The following NR3C1 variants were observed in gnomAD, a reference collection of about 807,000 sequenced individuals.
NR3C1 encodes nuclear receptor subfamily 3 group C member 1.
In NR3C1, 14 loss-of-function variants were observed where a neutral mutation model predicts 74.0. The observed-to-expected ratio is 0.19, with a 90% CI of 0.12 to 0.30. The LOEUF (loss-of-function observed/expected upper bound fraction) is 0.30, where lower values mean the gene tolerates loss of function less well. Ranked by LOEUF, NR3C1 falls within the 10% of genes least tolerant of loss-of-function variation. The probability of loss-of-function intolerance (pLI) is 1.00; values close to 1 mark genes in which losing one functional copy is unlikely to be tolerated. For missense variants in NR3C1, 695 were observed against 909.8 expected, an observed-to-expected ratio of 0.76 and a Z score of 3.04; for synonymous variants, 308 against 332.5, an observed-to-expected ratio of 0.93 and a Z score of 0.80.
At chr5:143,286,274 G>A (rs1356531576) in intron 7 of NR3C1, among the ~76,000 whole-genome samples, 1 of 152,050 alleles carries the variant, frequency 6.6e-6, no homozygotes, top group South Asian at 2.1e-4. Context: ...TTTACCAAAC[G>A]TTTAAGAAAG....
chr5:143,393,334 T>C (rs753933987), intron 2 of NR3C1, among the ~76,000 whole-genome samples: 1 of 152,152 alleles, frequency 6.6e-6, no homozygotes, highest in Non-Finnish European at 1.5e-5. Flanking sequence ...GTTAAAAGGA[T>C]TGTGGAATTT....
At chr5:143,376,145 G>C (rs1383140633) in intron 2 of NR3C1, among the ~76,000 whole-genome samples, 1 of 152,070 alleles carries the variant, frequency 6.6e-6, no homozygotes, top group African/African-American at 2.4e-5. Context: ...AAAAAAGTTG[G>C]CATACACCTT....
At chr5:143,418,269 T>C (rs550082190) in intron 1 of NR3C1, among the ~76,000 whole-genome samples, 2 of 152,200 alleles carry the variant, frequency 1.3e-5, no homozygotes, top group Non-Finnish European at 2.9e-5. Context: ...AACCCTTTAA[T>C]TTCACAATCA....
chr5:143,301,212 T>G (rs1818426285), intron 4 of NR3C1, among the ~76,000 whole-genome samples: 1 of 152,164 alleles, frequency 6.6e-6, no homozygotes, highest in Admixed American at 6.5e-5. Flanking sequence ...GGTTTAAGAT[T>G]AATCTAAATC....
intron 2 of NR3C1, among the ~76,000 whole-genome samples, chr5:143,325,811 A>T (rs1293977351): frequency 2.0e-5 from 3 of 152,174 alleles, no homozygotes; most frequent in Non-Finnish European, 2.9e-5. Context: ...TATATTTAGT[A>T]AATAATGAAA....
At chr5:143,354,158 T>G (rs1830697292) in intron 2 of NR3C1, among the ~76,000 whole-genome samples, 1 of 152,274 alleles carries the variant, frequency 6.6e-6, no homozygotes, top group Non-Finnish European at 1.5e-5. Context: ...TGAAGAGAGT[T>G]AAGCTTTGGC....
At chr5:143,405,005 A>G, upstream of NR3C1, 2 of 523,432 alleles carry the variant, frequency 3.8e-6, no homozygotes, top group Non-Finnish European at 4.9e-6. Flanking sequence ...CCCTCAGTCC[A>G]AGGGGAAGGG....
At chr5:143,303,732 A>T (rs1818981740) in intron 4 of NR3C1, among the ~76,000 whole-genome samples, 1 of 152,114 alleles carries the variant, frequency 6.6e-6, no homozygotes, top group African/African-American at 2.4e-5. Context: ...AAGTTAATTC[A>T]CCACAATCAA....
At chr5:143,433,392 A>ATATATATATTTATTTATTTAAAT (rs1751931563) in intron 1 of NR3C1, among the ~76,000 whole-genome samples, 5 of 27,988 alleles carry the variant, frequency 1.8e-4, no homozygotes, top group Admixed American at 7.7e-4. Context: ...ACAGCACTAA[A>ATATATATATTTATTTATTTAAAT]TATATATATA....
chr5:143,282,761 C>CTT (rs761139361), intron 7 of NR3C1, 36 bp from the exon 8 acceptor site: 1 of 1,530,742 alleles, frequency 6.5e-7, no homozygotes, highest in Non-Finnish European at 8.8e-7. Flanking sequence ...AAAGGATTTT[C>CTT]TTTTTCTTTT....
intron 2 of NR3C1, among the ~76,000 whole-genome samples, chr5:143,397,403 T>C (rs1486072958): frequency 6.6e-6 from 1 of 151,892 alleles, no homozygotes; most frequent in Admixed American, 6.6e-5. Flanking sequence ...TCATGTAACA[T>C]ATAGAGAAGA....
rs552309829 is a variant in NR3C1, at chr5:143,363,144, T to TCTAG, written c.1184+36508_1184+36511dup. ...GGCAAAGACTGGAAGATATTTTGCT[T>TCTAG]CTAGGCATTTAATGAAATCTCTGTT... On this transcript the variant is annotated intron_variant, in intron 2 of 8. Coordinates refer to ENST00000394464, the MANE Select transcript of NR3C1 (RefSeq NM_000176.3). Among the ~76,000 whole-genome samples the TCTAG allele has an allele frequency of 1.1e-3, 167 of 152,316 alleles. No individual in the cohort carries two copies. The Middle Eastern group carries it at 0.014, about 12-fold the overall frequency.
At chr5:143,420,998 A>G (rs149024572) in intron 1 of NR3C1, among the ~76,000 whole-genome samples, 102 of 152,304 alleles carry the variant, frequency 6.7e-4, no homozygotes, top group African/African-American at 2.4e-3. Context: ...TCCTATATGT[A>G]TAATTCAGGA....
chr5:143,434,153 T>C (rs1248202828), intron 1 of NR3C1, among the ~76,000 whole-genome samples: 3 of 152,192 alleles, frequency 2.0e-5, no homozygotes, highest in African/African-American at 4.8e-5. Context: ...TAGCCTCTCA[T>C]TGTGTTTTAG....
At position 143,281,237 on chromosome 5, in the gene NR3C1, T is replaced by A. The variant is rs145087561; in HGVS notation, c.*652A>T. 9 of 152,494 alleles carry A rather than the reference T, an allele frequency of 5.9e-5. No homozygotes were observed. Among genetic ancestry groups the A allele is most frequent in the African/African-American group, 2.2e-4 (9 of 41,410 alleles). The allele number at this position is 152,494 out of a possible 1,614,324, so 9.4% of individuals were successfully genotyped here. On this transcript the variant is annotated 3_prime_UTR_variant, in exon 9 of 9. Coordinates refer to ENST00000394464, the MANE Select transcript of NR3C1 (RefSeq NM_000176.3). ...ACCCATTTTCACACAGATGATTGAT[T>A]AATGTTTAGAGTTTATTTGGGAAAG...
In NR3C1 at chr5:143,400,711, C is replaced by T. The variant is rs776976677; in HGVS notation, c.129G>A (p.Ala43=). ...AAGCGACAGCCAGTGAGGGTGAAGA[C>T]GCAGAAACCTTCACAGTAGCTCCTC... ...LRGGATVKVS[A]SSPSLAVASQ... Residue 43 remains alanine, a synonymous_variant, in exon 2 of 9, where the codon GCG becomes GCA. Transcript: ENST00000394464. 6.2e-7 allele frequency: 1 copy of T among 1,614,182 alleles called. No individual in the cohort carries two copies. Among genetic ancestry groups the T allele is most frequent in the Non-Finnish European group, 8.5e-7 (1 of 1,180,028 alleles).
upstream of NR3C1, among the ~76,000 whole-genome samples, chr5:143,406,268 A>G (rs1841103983): frequency 6.6e-6 from 1 of 151,948 alleles, no homozygotes; most frequent in African/African-American, 2.4e-5. Flanking sequence ...TCAAATCCTT[A>G]GTGGTAGGTA....
chr5:143,367,487 T>G (rs1024695947), intron 2 of NR3C1, among the ~76,000 whole-genome samples: 1 of 152,234 alleles, frequency 6.6e-6, no homozygotes, highest in African/African-American at 2.4e-5. Flanking sequence ...GCAGATGACA[T>G]GATCTTATAT....
At chr5:143,341,908 G>C (rs192555593) in intron 2 of NR3C1, among the ~76,000 whole-genome samples, 1 of 152,200 alleles carries the variant, frequency 6.6e-6, no homozygotes, top group East Asian at 1.9e-4. Context: ...AGAAAATACA[G>C]AGAGGGAGGA....
Sources: gnomAD v4.1 joint callset for allele counts (sites outside exome capture counted in the v4.1 genomes callset) on GRCh38, gnomAD v4.1.1 for gene constraint, MANE v1.5 for transcripts, NCBI Gene and HGNC (gene_info 2026-07-23, HGNC 2026-07-21) for gene names.